Variants in PPP1R9A observed in about 807,000 individuals in gnomAD.
The protein encoded by PPP1R9A is neurabin-1.
Under a neutral mutation model 141.9 loss-of-function variants are expected in PPP1R9A, and 59 were observed. That is an observed-to-expected ratio of 0.42 (90% CI 0.34 to 0.52). The LOEUF is 0.52. Ranked by LOEUF, PPP1R9A falls within the 20% of genes least tolerant of loss-of-function variation. The pLI is 0.10. For missense variants in PPP1R9A, 1,444 were observed against 1,611.9 expected, an observed-to-expected ratio of 0.90 and a Z score of 1.78; for synonymous variants, 500 against 569.7, an observed-to-expected ratio of 0.88 and a Z score of 1.74.
chr7:95,195,342 G>A (rs1277826275), intron 5 of PPP1R9A, among the ~76,000 whole-genome samples: 2 of 149,612 alleles, frequency 1.3e-5, no homozygotes, highest in Non-Finnish European at 3.0e-5. Context: ...GGGCATTGGT[G>A]CAATCATGGC....
chr7:94,945,201 G>C (rs1795768962), intron 2 of PPP1R9A, among the ~76,000 whole-genome samples: 1 of 152,020 alleles, frequency 6.6e-6, no homozygotes, highest in African/African-American at 2.4e-5. Context: ...TTAGAAGTTT[G>C]AATAATCTCA....
chr7:95,218,380 A>G (rs1793835652), intron 7 of PPP1R9A, among the ~76,000 whole-genome samples: 1 of 152,194 alleles, frequency 6.6e-6, no homozygotes, highest in Non-Finnish European at 1.5e-5. Flanking sequence ...GGAGGGCTTT[A>G]CTTCCAACTA....
intron 2 of PPP1R9A, chr7:95,018,673 A>C (rs920302208): frequency 1.3e-5 from 2 of 152,242 alleles, no homozygotes; most frequent in Non-Finnish European, 2.9e-5. Context: ...GTGTTTGCTA[A>C]GTTTATGGTT....
At chr7:94,974,456 G>A (rs995800330) in intron 2 of PPP1R9A, among the ~76,000 whole-genome samples, 2 of 152,118 alleles carry the variant, frequency 1.3e-5, no homozygotes, top group African/African-American at 4.8e-5. Context: ...CAAATGGAAC[G>A]AGCTGTCCAA....
chr7:95,248,452 T>G (rs1798444977), intron 9 of PPP1R9A, among the ~76,000 whole-genome samples: 1 of 152,064 alleles, frequency 6.6e-6, no homozygotes, highest in Non-Finnish European at 1.5e-5. Context: ...TATACATCAT[T>G]CACGGTGTTA....
At chr7:95,072,667 TATATTATATTAC>T (rs1394479989) in intron 2 of PPP1R9A, among the ~76,000 whole-genome samples, 1 of 122,420 alleles carries the variant, frequency 8.2e-6, no homozygotes, top group East Asian at 2.1e-4. Context: ...ATATATATTA[TATATTATATTAC>T]ATATTATATA....
intron 2 of PPP1R9A, among the ~76,000 whole-genome samples, chr7:95,046,735 A>G (rs1373554424): frequency 6.6e-6 from 1 of 152,130 alleles, no homozygotes; most frequent in Non-Finnish European, 1.5e-5. Context: ...TCTTTTTCAT[A>G]CCAGCTTTCA....
chr7:95,261,799 G>T (rs759124707), intron 12 of PPP1R9A, among the ~76,000 whole-genome samples: 3 of 151,994 alleles, frequency 2.0e-5, no homozygotes, highest in Non-Finnish European at 4.4e-5. Context: ...CTATTACTAG[G>T]AGACTGACAG....
At chr7:95,193,869 T>C (rs1047153930) in intron 5 of PPP1R9A, among the ~76,000 whole-genome samples, 3 of 152,104 alleles carry the variant, frequency 2.0e-5, no homozygotes, top group African/African-American at 7.2e-5. Flanking sequence ...GTAGCACTTG[T>C]CTTTCAGAGA....
intron 9 of PPP1R9A, among the ~76,000 whole-genome samples, chr7:95,248,087 A>G (rs763384713): frequency 4.5e-4 from 68 of 150,884 alleles, no homozygotes; most frequent in Non-Finnish European, 8.8e-4. Context: ...AGTATGTATT[A>G]TTAGTCTATA....
chr7:95,178,299 A>C (rs1214384659), intron 5 of PPP1R9A, among the ~76,000 whole-genome samples: 1 of 152,164 alleles, frequency 6.6e-6, no homozygotes, highest in Non-Finnish European at 1.5e-5. Context: ...GTCAAAAATG[A>C]AATCAAGATG....
chr7:95,155,864 T>C (rs1829526328), intron 4 of PPP1R9A: 1 of 152,242 alleles, frequency 6.6e-6, no homozygotes. Context: ...AATAAAGCAT[T>C]ATTTTGGGGA....
chr7:95,063,372 T>G (rs1442980113), intron 2 of PPP1R9A, among the ~76,000 whole-genome samples: 1 of 152,034 alleles, frequency 6.6e-6, no homozygotes, highest in East Asian at 1.9e-4. Context: ...AAGATCAGCC[T>G]GGGCATCATA....
chr7:94,928,205 A>T (rs901581018), intron 2 of PPP1R9A, among the ~76,000 whole-genome samples: 3 of 152,112 alleles, frequency 2.0e-5, no homozygotes, highest in Non-Finnish European at 4.4e-5. Context: ...TGTGTTTGAG[A>T]AAAGAGTAAA....
At chr7:95,202,538 C>G in intron 6 of PPP1R9A, 55 of 717,666 alleles carry the variant, frequency 7.7e-5, no homozygotes, top group Non-Finnish European at 9.3e-5. Context: ...TTTTTTCTTT[C>G]TTTCTCTTTT....
intron 2 of PPP1R9A, among the ~76,000 whole-genome samples, chr7:95,094,902 AAAAG>A (rs1817828654): frequency 6.7e-6 from 1 of 148,742 alleles, no homozygotes; most frequent in South Asian, 2.1e-4. Context: ...AAAAAAAAAA[AAAAG>A]GAACAAAAGG....
intron 2 of PPP1R9A, among the ~76,000 whole-genome samples, chr7:95,014,628 T>G (rs1006466172): frequency 6.6e-6 from 1 of 152,106 alleles, no homozygotes; most frequent in African/African-American, 2.4e-5. Flanking sequence ...CTTTGAGACT[T>G]TGTAAATATC....
At chr7:95,014,505 A>G (rs1328717754) in intron 2 of PPP1R9A, among the ~76,000 whole-genome samples, 1 of 152,024 alleles carries the variant, frequency 6.6e-6, no homozygotes, top group Non-Finnish European at 1.5e-5. Flanking sequence ...GATTTGTCCA[A>G]TTATTGATTA....
At chr7:94,927,350 C>G (rs1411694514) in intron 2 of PPP1R9A, among the ~76,000 whole-genome samples, 1 of 151,964 alleles carries the variant, frequency 6.6e-6, no homozygotes, top group Non-Finnish European at 1.5e-5. Context: ...CACCTTTTAG[C>G]AGGATGTTGG....
Sources: allele counts gnomAD v4.1 joint callset (sites outside exome capture counted in the v4.1 genomes callset), GRCh38; gene constraint gnomAD v4.1.1; transcripts MANE v1.5; gene names NCBI Gene and HGNC (gene_info 2026-07-23, HGNC 2026-07-21).